Variants in PHAX observed in about 807,000 individuals in gnomAD.
PHAX encodes phosphorylated adaptor for RNA export.
A neutral mutation model predicts 41.6 loss-of-function variants in PHAX; 31 were observed. The observed-to-expected ratio is 0.75, with a 90% CI of 0.56 to 1.01. The LOEUF (loss-of-function observed/expected upper bound fraction) is 1.01, where lower values mean the gene tolerates loss of function less well. Ranked by LOEUF, PHAX falls within the 50% of genes least tolerant of loss-of-function variation. PHAX has a pLI of 0.00. For synonymous variants in PHAX, 175 were observed against 164.9 expected (o/e 1.06, Z -0.47); for missense variants, 453 against 472.9 (o/e 0.96, Z 0.39).
chr5:126,621,308 C>A (rs2112838183), intron 4 of PHAX, among the ~76,000 whole-genome samples: 1 of 152,232 alleles, frequency 6.6e-6, no homozygotes, highest in Non-Finnish European at 1.5e-5. Context: ...CTTGCCTCAG[C>A]CTCCTTAGTA....
intron 3 of PHAX, among the ~76,000 whole-genome samples, chr5:126,609,365 T>C (rs577728994): frequency 1.2e-3 from 178 of 152,108 alleles, no homozygotes; most frequent in Middle Eastern, 3.4e-3. Flanking sequence ...CCTCCCAAAG[T>C]GCTGGGATTA....
At chr5:126,606,756 A>G (rs1751993742) in intron 2 of PHAX, among the ~76,000 whole-genome samples, 2 of 151,806 alleles carry the variant, frequency 1.3e-5, no homozygotes, top group South Asian at 4.2e-4. Flanking sequence ...GGTTCAATCA[A>G]ATCTCCTGCC....
intron 3 of PHAX, among the ~76,000 whole-genome samples, chr5:126,610,622 T>C (rs1194308121): frequency 2.0e-5 from 3 of 152,254 alleles, no homozygotes; most frequent in Non-Finnish European, 2.9e-5. Context: ...AATATTTTAG[T>C]ACTGTAGTGA....
intron 4 of PHAX, among the ~76,000 whole-genome samples, chr5:126,619,947 T>C (rs1219433521): frequency 2.0e-5 from 3 of 152,196 alleles, no homozygotes; most frequent in Admixed American, 6.6e-5. Context: ...ATTTTCCTTA[T>C]GATAACAATG....
intron 4 of PHAX, among the ~76,000 whole-genome samples, chr5:126,619,155 G>A (rs1752232685): frequency 6.6e-6 from 1 of 152,082 alleles, no homozygotes; most frequent in Non-Finnish European, 1.5e-5. Flanking sequence ...TCCAACTCCT[G>A]GGCTCAAGCA....
intron 4 of PHAX, among the ~76,000 whole-genome samples, chr5:126,621,929 G>T (rs925260170): frequency 6.6e-6 from 1 of 152,044 alleles, no homozygotes; most frequent in South Asian, 2.1e-4. Flanking sequence ...AATTCATAAC[G>T]CATGGGAATG....
chr5:126,618,807 C>T (rs951517577), intron 4 of PHAX, among the ~76,000 whole-genome samples: 5 of 151,894 alleles, frequency 3.3e-5, no homozygotes, highest in African/African-American at 9.7e-5. Flanking sequence ...TACAGGCTTG[C>T]GCCACCACGC....
intron 3 of PHAX, among the ~76,000 whole-genome samples, chr5:126,613,727 T>G (rs80131532): frequency 1.3e-5 from 2 of 152,030 alleles, no homozygotes; most frequent in Non-Finnish European, 2.9e-5. Context: ...TGATTACCTA[T>G]GGTTAGTAGG....
intron 3 of PHAX, among the ~76,000 whole-genome samples, chr5:126,615,350 A>G (rs186445823): frequency 2.0e-4 from 30 of 152,268 alleles, no homozygotes; most frequent in Non-Finnish European, 2.9e-4. Flanking sequence ...TTTCACAGTC[A>G]TTCACAGATG....
chr5:126,601,147 T>G, intron 1 of PHAX, 89 bp downstream of exon 1: 2 of 871,576 alleles, frequency 2.3e-6, no homozygotes, highest in Non-Finnish European at 3.7e-6. Flanking sequence ...GGGTGAGGGG[T>G]GGGAGCTAGG....
intron 4 of PHAX, among the ~76,000 whole-genome samples, chr5:126,621,026 G>A (rs371995780): frequency 7.8e-4 from 118 of 151,818 alleles, no homozygotes; most frequent in African/African-American, 2.8e-3. Context: ...GTGAGCCACT[G>A]CGCCTGGCCA....
chr5:126,615,556 A>G (rs1051671001), intron 3 of PHAX, among the ~76,000 whole-genome samples: 1 of 150,026 alleles, frequency 6.7e-6, no homozygotes, highest in Non-Finnish European at 1.5e-5. Flanking sequence ...GCTGTTTAAA[A>G]TGGCCCCTCC....
At position 126,604,001 on chromosome 5, in the gene PHAX, T is replaced by C; in HGVS notation, c.528T>C (p.Asp176=). 1 of 1,613,790 alleles carries C rather than the reference T, an allele frequency of 6.2e-7. No homozygotes were observed. The highest frequency in any genetic ancestry group is 8.5e-7 in the Non-Finnish European group (1 of 1,179,970). Residue 176 remains aspartate, a synonymous_variant, in exon 2 of 5, where the codon GAT becomes GAC. Transcript: ENST00000297540. ...EHTKDLDKEL[D]EYMHGGKKMG... The stretch of plus-strand genomic sequence containing the variant: ...CAAAAGATCTAGACAAGGAACTAGA[T>C]GAATATATGCATGGTGGCAAAAAAA...
chr5:126,611,646 C>A (rs1418007969), intron 3 of PHAX, among the ~76,000 whole-genome samples: 2 of 151,882 alleles, frequency 1.3e-5, no homozygotes, highest in African/African-American at 4.8e-5. Flanking sequence ...CATATATTAG[C>A]CAGGCTTGGT....
chr5:126,624,485 A>G, intron 4 of PHAX, 90 bp from the exon 5 acceptor site: 2 of 1,000,790 alleles, frequency 2.0e-6, no homozygotes, highest in East Asian at 2.4e-5. Context: ...TTTGTAAGAA[A>G]TGGAGATAAT....
In PHAX at chr5:126,627,073, A is replaced by T. The variant is rs147330908; in HGVS notation, c.*2229A>T. ...GATATATTAAGCAGAAATGTTGTAT[A>T]TTAAGCAAAAATGTAAAATTCAGCA... On this transcript the variant is annotated 3_prime_UTR_variant, in exon 5 of 5. Transcript: ENST00000297540. The T allele has an allele frequency of 3.3e-5, 5 of 152,230 alleles. No homozygotes were observed. Among genetic ancestry groups the T allele is most frequent in the Non-Finnish European group, 5.9e-5 (4 of 68,044 alleles). 9.4% of individuals were successfully genotyped at this position (152,230 alleles called of 1,614,324 possible).
Position 126,625,032 on chromosome 5 carries a change from ATACT to A in PHAX, c.*191_*194del, listed in dbSNP as rs1156262136. ...AACATTTAAAGATATATCTGACAAA[ATACT>A]TAAGAGTATATAGCACAGGATTTAA... is the stretch of plus-strand genomic sequence containing the variant. On this transcript the variant is annotated 3_prime_UTR_variant, in exon 5 of 5. Coordinates refer to ENST00000297540, the MANE Select transcript of PHAX (RefSeq NM_032177.4). 30 of 581,312 alleles carry A rather than the reference ATACT, an allele frequency of 5.2e-5. No homozygotes were observed. Among genetic ancestry groups the A allele is most frequent in the Non-Finnish European group, 8.0e-5 (27 of 337,926 alleles). The allele number at this position is 581,312 out of a possible 1,614,324, so 36.0% of individuals were successfully genotyped here.
intron 3 of PHAX, 59 bp downstream of exon 3, chr5:126,608,543 T>G: frequency 6.9e-7 from 1 of 1,440,118 alleles, no homozygotes; most frequent in African/African-American, 1.4e-5. Flanking sequence ...TTGTTTTTGA[T>G]TACAAATTTA....
intron 3 of PHAX, among the ~76,000 whole-genome samples, chr5:126,611,434 G>A (rs2112833048): frequency 6.6e-6 from 1 of 152,242 alleles, no homozygotes; most frequent in South Asian, 2.1e-4. Context: ...AGAGGAGGGA[G>A]CTTATGTTGT....
Sources: gnomAD v4.1 joint callset for allele counts (sites outside exome capture counted in the v4.1 genomes callset) on GRCh38, gnomAD v4.1.1 for gene constraint, MANE v1.5 for transcripts, NCBI Gene and HGNC (gene_info 2026-07-23, HGNC 2026-07-21) for gene names.